The following POU6F2 variants were observed in gnomAD, a reference collection of about 807,000 sequenced individuals.
POU6F2 encodes the protein POU class 6 homeobox 2.
Under a neutral mutation model 71.3 loss-of-function variants are expected in POU6F2, and 31 were observed. The observed-to-expected ratio is 0.43, with a 90% confidence interval of 0.33 to 0.59. The LOEUF (loss-of-function observed/expected upper bound fraction) is 0.59. Ranked by LOEUF, POU6F2 falls within the 20% of genes least tolerant of loss-of-function variation. The probability of loss-of-function intolerance (pLI) is 0.04; values close to 1 mark genes in which losing one functional copy is unlikely to be tolerated. For synonymous variants in POU6F2, 347 were observed against 355.7 expected (o/e 0.98, Z 0.27); for missense variants, 783 against 856.8 (o/e 0.91, Z 1.07).
chr7:39,372,278 AT>A (rs1270734895), intron 5 of POU6F2, among the ~76,000 whole-genome samples: 1 of 152,212 alleles, frequency 6.6e-6, no homozygotes, highest in African/African-American at 2.4e-5. Flanking sequence ...CAAAATTTTT[AT>A]TGATGAAACT....
At chr7:38,988,190 T>C (rs1432553943) in intron 1 of POU6F2, among the ~76,000 whole-genome samples, 1 of 152,124 alleles carries the variant, frequency 6.6e-6, no homozygotes, top group Non-Finnish European at 1.5e-5. Flanking sequence ...GAAATGAGAC[T>C]TGAACTCATG....
chr7:39,106,817 T>C (rs758958617), intron 2 of POU6F2, among the ~76,000 whole-genome samples: 75 of 152,318 alleles, frequency 4.9e-4, no homozygotes, highest in Non-Finnish European at 1.9e-4. Flanking sequence ...TTTGAGACTG[T>C]CCGTTTTTTG....
At chr7:39,280,249 T>C (rs1319326696) in intron 4 of POU6F2, among the ~76,000 whole-genome samples, 5 of 152,242 alleles carry the variant, frequency 3.3e-5, no homozygotes, top group African/African-American at 1.2e-4. Context: ...TCATATGTGC[T>C]AAGCCCATGC....
chr7:39,263,952 C>T (rs183652830), intron 4 of POU6F2, among the ~76,000 whole-genome samples: 15 of 152,356 alleles, frequency 9.8e-5, no homozygotes, highest in African/African-American at 2.9e-4. Flanking sequence ...GTCCTGAATT[C>T]TCTCAGTTCT....
Position 39,464,356 on chromosome 7 carries a change from G to A in POU6F2, c.1833G>A (p.Met611Ile), listed in dbSNP as rs1226348716. The A allele has an allele frequency of 6.2e-7, 1 of 1,614,022 alleles. No homozygotes were observed. Among genetic ancestry groups the A allele is most frequent in the Non-Finnish European group, 8.5e-7 (1 of 1,179,894 alleles). Residue 611 changes from methionine (M) to isoleucine (I), a missense_variant, in exon 10 of 10, where the codon ATG becomes ATA. Transcript: ENST00000518318. This position sits in a 1 kb window ranked among gnomAD's most constrained non-coding sequence, Gnocchi z 4.1. ...QKIKPVLERW[M>I]AEAEARHRAG... is the part of the protein sequence containing the mutation. ...TCAAGCCGGTGCTTGAGCGGTGGAT[G>A]GCTGAGGCTGAGGCCCGCCATCGAG...
rs538957145 is a variant in POU6F2, at chr7:39,340,096, G to A, written c.972+81G>A. 4.2e-6 allele frequency: 6 copies of A among 1,428,736 alleles called. No homozygotes were observed. In the African/African-American group the frequency reaches 5.3e-5, roughly 13 times the overall value. 88.5% of individuals were successfully genotyped at this position (1,428,736 alleles called of 1,614,324 possible). A position where few individuals can be genotyped will look rare whatever the true frequency, so the allele number is the denominator to read the frequency against. ...GGTGGTGCCATCCCCAAAGGCAGAGGGACCACACAAAACTTAGCATCCAGT... is the reference window on the plus strand; with the variant it reads ...GGTGGTGCCATCCCCAAAGGCAGAGAGACCACACAAAACTTAGCATCCAGT... On this transcript the variant is annotated intron_variant, in intron 5 of 9. Transcript: ENST00000518318.
intron 4 of POU6F2, among the ~76,000 whole-genome samples, chr7:39,296,342 A>C (rs12701721): frequency 0.46 from 69,545 of 152,016 alleles, 16,739 homozygotes; most frequent in Admixed American, 0.59. Flanking sequence ...ACTAAGTATC[A>C]TTGAGAACAA....
rs1329568637 is a variant in POU6F2 at position 39,465,737 on chromosome 7, C to T, written c.*1051C>T. On this transcript the variant is annotated 3_prime_UTR_variant, in exon 10 of 10. Coordinates refer to ENST00000518318, the MANE Select transcript of POU6F2 (RefSeq NM_001370959.1). ...CACTGGCATAAGCTGTAATTGTGCT[C>T]ACTGTCCACACCAGAGCTTGGGATT... 6.6e-6 allele frequency: 1 copy of T among 152,196 alleles called. No homozygotes were observed. The highest frequency in any genetic ancestry group is 1.5e-5 in the Non-Finnish European group (1 of 68,038). The allele number at this position is 152,196 out of a possible 1,614,324, so 9.4% of individuals were successfully genotyped here. A position where few individuals can be genotyped will look rare whatever the true frequency, so the allele number is the denominator to read the frequency against.
intron 2 of POU6F2, among the ~76,000 whole-genome samples, chr7:39,131,446 C>T (rs997938801): frequency 6.6e-6 from 1 of 152,192 alleles, no homozygotes; most frequent in African/African-American, 2.4e-5. Context: ...AGGACTTTGG[C>T]GGTGGCACGC....
At chr7:38,997,804 T>C (rs887954406) in intron 1 of POU6F2, among the ~76,000 whole-genome samples, 2 of 152,244 alleles carry the variant, frequency 1.3e-5, no homozygotes, top group Non-Finnish European at 2.9e-5. Flanking sequence ...ACAAATGTGA[T>C]AAGTTGCTCC....
chr7:39,015,697 T>TAACA (rs368162504), intron 1 of POU6F2, among the ~76,000 whole-genome samples: 1 of 89,174 alleles, frequency 1.1e-5, no homozygotes, highest in Non-Finnish European at 2.1e-5. Context: ...TATCTATATA[T>TAACA]TATATATATC....
chr7:39,300,579 G>A (rs1046838721), intron 4 of POU6F2, among the ~76,000 whole-genome samples: 2 of 152,194 alleles, frequency 1.3e-5, no homozygotes, highest in African/African-American at 4.8e-5. Flanking sequence ...CAGTTCTGGA[G>A]ACGCAAAGTC....
chr7:39,418,939 G>GTGTA (rs1554281373), intron 6 of POU6F2, among the ~76,000 whole-genome samples: 1 of 136,682 alleles, frequency 7.3e-6, no homozygotes, highest in East Asian at 2.3e-4. Context: ...GTATATATGT[G>GTGTA]TATATATGTA....
chr7:39,263,690 AG>A (rs1784185986), intron 4 of POU6F2, among the ~76,000 whole-genome samples: 1 of 151,648 alleles, frequency 6.6e-6, no homozygotes, highest in South Asian at 2.1e-4. Context: ...CACACACACA[AG>A]TCACACGCCC....
intron 4 of POU6F2, among the ~76,000 whole-genome samples, chr7:39,261,745 A>G (rs898970914): frequency 5.9e-5 from 9 of 152,122 alleles, no homozygotes; most frequent in Non-Finnish European, 8.8e-5. Context: ...TCATCTCCGT[A>G]GTTCTGTGAT....
At chr7:39,381,153 GC>G (rs372897877) in intron 5 of POU6F2, among the ~76,000 whole-genome samples, 287 of 152,138 alleles carry the variant, frequency 1.9e-3, no homozygotes, top group African/African-American at 6.6e-3. Flanking sequence ...CCTCTGCCCC[GC>G]CCCGGGTTCC....
At chr7:39,224,390 A>AG (rs1158882778) in intron 4 of POU6F2, among the ~76,000 whole-genome samples, 3 of 151,794 alleles carry the variant, frequency 2.0e-5, no homozygotes, top group Non-Finnish European at 4.4e-5. Context: ...AAAAAAAAAA[A>AG]GAGGAAATAA....
intron 6 of POU6F2, among the ~76,000 whole-genome samples, chr7:39,412,777 C>CTTT (rs1787577529): frequency 2.7e-5 from 1 of 37,248 alleles, no homozygotes; most frequent in Non-Finnish European, 6.5e-5. Context: ...AGTTTTCTTG[C>CTTT]CTTTTTTTTT....
chr7:39,376,687 A>G (rs1191120125), intron 5 of POU6F2, among the ~76,000 whole-genome samples: 1 of 152,210 alleles, frequency 6.6e-6, no homozygotes, highest in Non-Finnish European at 1.5e-5. Context: ...TTTATTATCT[A>G]CTTGAATATC....
Sources: allele counts gnomAD v4.1 joint callset (sites outside exome capture counted in the v4.1 genomes callset), GRCh38; gene constraint gnomAD v4.1.1; non-coding constraint Gnocchi (gnomAD v3.1); transcripts MANE v1.5; gene names NCBI Gene and HGNC (gene_info 2026-07-23, HGNC 2026-07-21).